CLMP: variants seen among roughly 807,000 people sequenced by gnomAD.
The protein encoded by CLMP is CXADR like cell adhesion molecule.
Under a neutral mutation model 45.2 loss-of-function variants are expected in CLMP, and 27 were observed. That is an observed-to-expected ratio of 0.60 (90% confidence interval 0.44 to 0.82). CLMP has a LOEUF of 0.82. CLMP is among the 40% of genes least tolerant of loss of function. The probability of loss-of-function intolerance (pLI) is 0.00; values close to 1 mark genes in which losing one functional copy is unlikely to be tolerated. For synonymous variants in CLMP, 167 were observed against 171.4 expected (o/e 0.97, Z 0.20); for missense variants, 403 against 448.4 (o/e 0.90, Z 0.91).
In CLMP at chr11:123,087,394, A is replaced by G. The variant is rs563743700; in HGVS notation, c.187-2681T>C. ...TGTGGTGGTGTGCGCCTGTAAACCC[A>G]GCTACTCAGGAGGCTGAGGCAGCAG... is the stretch of plus-strand genomic sequence containing the variant. On this transcript the variant is annotated intron_variant, in intron 2 of 6. Coordinates refer to ENST00000448775, the MANE Select transcript of CLMP (RefSeq NM_024769.5). Among the ~76,000 whole-genome samples the G allele has an allele frequency of 4.2e-3, 632 of 152,158 alleles. 5 individuals are homozygous for G. The highest frequency in any genetic ancestry group is 0.015 in the African/African-American group (608 of 41,542).
At position 123,139,444 on chromosome 11, in the gene CLMP, C is replaced by A. The variant is rs75362838; in HGVS notation, c.29-41492G>T. Among the ~76,000 whole-genome samples, 1,469 of 152,238 alleles carry A rather than the reference C, an allele frequency of 9.6e-3. 28 individuals carry two copies. Among genetic ancestry groups the A allele is most frequent in the South Asian group, 0.034 (166 of 4,820 alleles). On this transcript the variant is annotated intron_variant, in intron 1 of 6. Coordinates refer to ENST00000448775, the MANE Select transcript of CLMP (RefSeq NM_024769.5). ...TGTGGCCTTGAGCAATCAATTCTGT[C>A]TTTTTAGGGTTCAGTTTCCACATCT...
chr11:123,133,543 G>T (rs1173254244), intron 1 of CLMP, among the ~76,000 whole-genome samples: 1 of 152,112 alleles, frequency 6.6e-6, no homozygotes. Flanking sequence ...ATTGTCCCTA[G>T]ATTTGAGCCC....
intron 1 of CLMP, among the ~76,000 whole-genome samples, chr11:123,162,584 T>C (rs1449123199): frequency 2.6e-5 from 4 of 151,200 alleles, no homozygotes; most frequent in African/African-American, 9.8e-5. Context: ...GAGCTTATAG[T>C]CCACAAGGGA....
chr11:123,107,063 T>A, intron 1 of CLMP, among the ~76,000 whole-genome samples: 1 of 126,230 alleles, frequency 7.9e-6, no homozygotes, highest in South Asian at 2.5e-4. Flanking sequence ...ACTTGCTGCA[T>A]TTTTTTTTTT....
chr11:123,102,620 G>A (rs1470665128), intron 1 of CLMP, among the ~76,000 whole-genome samples: 2 of 148,350 alleles, frequency 1.3e-5, no homozygotes, highest in African/African-American at 2.5e-5. Context: ...CTGTCACCCA[G>A]GCTGGAGTGC....
chr11:123,195,041 C>T lies in CLMP; in HGVS notation c.-101G>A, dbSNP rs563078472. 64 of 1,195,896 alleles carry T rather than the reference C, an allele frequency of 5.4e-5. No homozygotes were observed. Among genetic ancestry groups the T allele is most frequent in the Non-Finnish European group, 6.9e-5 (61 of 888,540 alleles). 74.1% of individuals were successfully genotyped at this position (1,195,896 alleles called of 1,614,324 possible). A position where few individuals can be genotyped will look rare whatever the true frequency, so the allele number is the denominator to read the frequency against. On this transcript the variant is annotated 5_prime_UTR_variant, in exon 1 of 7. Transcript: ENST00000448775. ...CTCGGGCGAGCTGGGCGCGGCGCCT[C>T]GGGGTGCGCGCGAGGTGGCTGCAGC...
chr11:123,132,287 C>T (rs575677155), intron 1 of CLMP, among the ~76,000 whole-genome samples: 6 of 152,254 alleles, frequency 3.9e-5, no homozygotes, highest in Non-Finnish European at 5.9e-5. Flanking sequence ...AAGGACTCAG[C>T]AAAGGAATGA....
intron 1 of CLMP, among the ~76,000 whole-genome samples, chr11:123,112,731 C>CA (rs1860656786): frequency 6.6e-6 from 1 of 150,408 alleles, no homozygotes; most frequent in Non-Finnish European, 1.5e-5. Flanking sequence ...GAAATCACGG[C>CA]AAAACGGTTC....
rs140044063 is a variant in CLMP, at chr11:123,133,741, G to A, written c.29-35789C>T. Among the ~76,000 whole-genome samples, 20 of 152,208 alleles carry A rather than the reference G, an allele frequency of 1.3e-4. 1 individual carries two copies. In the East Asian group the frequency reaches 3.9e-3, roughly 29 times the overall value. Reference sequence around the variant, plus strand: ...AGAAGGTCATAAGCCCCTGATATGAGAGGCAACCTCCTTATGCCCAGAGGA... The same window carrying A: ...AGAAGGTCATAAGCCCCTGATATGAAAGGCAACCTCCTTATGCCCAGAGGA... On this transcript the variant is annotated intron_variant, in intron 1 of 6. Coordinates refer to ENST00000448775, the MANE Select transcript of CLMP (RefSeq NM_024769.5).
At chr11:123,083,984 G>C in intron 3 of CLMP, 137 bp from the exon 4 acceptor site, 1 of 947,920 alleles carries the variant, frequency 1.1e-6, no homozygotes, top group African/African-American at 1.6e-5. Context: ...GATTCAACTA[G>C]CCTTGCTTTA....
chr11:123,158,018 A>C (rs1314429606), intron 1 of CLMP, among the ~76,000 whole-genome samples: 1 of 152,060 alleles, frequency 6.6e-6, no homozygotes, highest in South Asian at 2.1e-4. Context: ...CAAAACCCCC[A>C]GTTTCGCTCT....
intron 1 of CLMP, among the ~76,000 whole-genome samples, chr11:123,166,383 T>G (rs765965909): frequency 6.6e-6 from 1 of 152,264 alleles, no homozygotes; most frequent in Non-Finnish European, 1.5e-5. Context: ...GCTGCAAGCC[T>G]GACAGAGCTT....
Position 123,073,401 on chromosome 11 carries a change from TTGAGCTCCAA to T in CLMP, c.*63_*72del. 1 of 1,500,518 alleles carries T rather than the reference TTGAGCTCCAA, an allele frequency of 6.7e-7. No individual in the cohort carries two copies. The highest frequency in any genetic ancestry group is 1.4e-5 in the African/African-American group (1 of 71,714). 93.0% of individuals were successfully genotyped at this position (1,500,518 alleles called of 1,614,324 possible). ...CTCATCTGGTTGTGTGGCTGGTGAC[TTGAGCTCCAA>T]TGACGAGAAGAGTCCAAAGACCCTG... On this transcript the variant is annotated 3_prime_UTR_variant, in exon 7 of 7. Coordinates refer to ENST00000448775, the MANE Select transcript of CLMP (RefSeq NM_024769.5).
chr11:123,086,939 A>T (rs1016133155), intron 2 of CLMP, among the ~76,000 whole-genome samples: 3 of 152,208 alleles, frequency 2.0e-5, no homozygotes, highest in Non-Finnish European at 4.4e-5. Flanking sequence ...CACAACTGTA[A>T]TCCCAGCATT....
At position 123,137,701 on chromosome 11, in the gene CLMP, G is replaced by A. The variant is rs77358864; in HGVS notation, c.29-39749C>T. 2.3e-3 allele frequency among the ~76,000 whole-genome samples: 354 copies of A among 152,124 alleles called. 8 individuals carry two copies. The South Asian group carries it at 0.034, about 14-fold the overall frequency. On this transcript the variant is annotated intron_variant, in intron 1 of 6. Transcript: ENST00000448775. The stretch of plus-strand genomic sequence containing the variant: ...GAAGGCTGAGCCTAAAACCTCTCTC[G>A]AAGGCGGCCACCCTGCCAGGCCCAG...
At position 123,195,086 on chromosome 11, in the gene CLMP, G is replaced by A; in HGVS notation, c.-146C>T. 3.4e-6 allele frequency: 2 copies of A among 583,070 alleles called. No homozygotes were observed. The highest frequency in any genetic ancestry group is 7.1e-5 in the South Asian group (1 of 14,000). 36.1% of individuals were successfully genotyped at this position (583,070 alleles called of 1,614,324 possible). A position where few individuals can be genotyped will look rare whatever the true frequency, so the allele number is the denominator to read the frequency against. On this transcript the variant is annotated 5_prime_UTR_variant, in exon 1 of 7. Transcript: ENST00000448775. ...TGCAGCCATGTGCCGGGCGGGAGCC[G>A]GCCCCGCGCCCCGTGCCCCTGGGGG... is the stretch of plus-strand genomic sequence containing the variant.
chr11:123,179,847 A>G (rs1031083444), intron 1 of CLMP, among the ~76,000 whole-genome samples: 3 of 151,952 alleles, frequency 2.0e-5, no homozygotes, highest in African/African-American at 7.3e-5. Context: ...GTCCACCCTA[A>G]CTTCTCTGAG....
chr11:123,101,234 GAGTAGCTGGGATT>G (rs1287316773), intron 1 of CLMP, among the ~76,000 whole-genome samples: 1 of 152,148 alleles, frequency 6.6e-6, no homozygotes, highest in Non-Finnish European at 1.5e-5. Flanking sequence ...TCAGTCTCTG[GAGTAGCTGGGATT>G]ATAGGCGTGT....
At chr11:123,150,871 C>T (rs1861328231) in intron 1 of CLMP, among the ~76,000 whole-genome samples, 2 of 152,084 alleles carry the variant, frequency 1.3e-5, no homozygotes, top group Admixed American at 6.6e-5. Context: ...CACATGCCAC[C>T]ACTCCTAGCA....
Sources: gnomAD v4.1 joint callset for allele counts (sites outside exome capture counted in the v4.1 genomes callset) on GRCh38, gnomAD v4.1.1 for gene constraint, MANE v1.5 for transcripts, NCBI Gene and HGNC (gene_info 2026-07-23, HGNC 2026-07-21) for gene names.